The following TBC1D21 variants were observed in gnomAD, a reference collection of about 807,000 sequenced individuals.
TBC1D21 encodes male germ cell Rab GTPase-activating protein.
A neutral mutation model predicts 46.0 loss-of-function variants in TBC1D21; 38 were observed. That is an observed-to-expected ratio of 0.83 (90% CI 0.64 to 1.08). TBC1D21 has a LOEUF of 1.08. Among genes scored for constraint, TBC1D21 ranks in the 50% least tolerant of loss-of-function variants. TBC1D21 has a pLI of 0.00. For missense variants in TBC1D21, 415 were observed against 417.9 expected (o/e 0.99, Z 0.06); for synonymous variants, 151 against 157.2 (o/e 0.96, Z 0.29).
intron 1 of TBC1D21, among the ~76,000 whole-genome samples, chr15:73,875,781 C>T (rs1484109624): frequency 2.6e-5 from 4 of 152,180 alleles, no homozygotes; most frequent in Non-Finnish European, 4.4e-5. Context: ...CCAGCCCCCT[C>T]GCAAACTGCA....
At position 73,889,187 on chromosome 15, in the gene TBC1D21, C is replaced by A; in HGVS notation, c.*86C>A. On this transcript the variant is annotated 3_prime_UTR_variant, in exon 11 of 11. Coordinates refer to ENST00000300504, the MANE Select transcript of TBC1D21 (RefSeq NM_153356.3). ...TGGAGTGAGGGAGTAGATAAAACAG[C>A]TGCAATATAAACAGTCCTCTGGAAT... The A allele has an allele frequency of 6.9e-7, 1 of 1,455,848 alleles. No individual in the cohort carries two copies. Among genetic ancestry groups the A allele is most frequent in the Non-Finnish European group, 9.5e-7 (1 of 1,051,568 alleles). 90.2% of individuals were successfully genotyped at this position (1,455,848 alleles called of 1,614,324 possible). A position where few individuals can be genotyped will look rare whatever the true frequency, so the allele number is the denominator to read the frequency against.
At position 73,884,985 on chromosome 15, in the gene TBC1D21, AC is replaced by A. The variant is rs1424941302; in HGVS notation, c.479-13del. 2 of 1,608,152 alleles carry A rather than the reference AC, an allele frequency of 1.2e-6. No individual in the cohort carries two copies. On this transcript the variant is annotated splice_polypyrimidine_tract_variant and intron_variant, in intron 5 of 10. Coordinates refer to ENST00000300504, the MANE Select transcript of TBC1D21 (RefSeq NM_153356.3). The stretch of plus-strand genomic sequence containing the variant: ...TCTCCCACCCAGCCCCTCCTCCCCA[AC>A]CCCCTCTTCGCCACAGAGTACCAGC...
At chr15:73,886,196 C>T (rs1567068266) in intron 7 of TBC1D21, 22 bp downstream of exon 7, 1 of 1,602,044 alleles carries the variant, frequency 6.2e-7, no homozygotes, top group South Asian at 1.1e-5. Flanking sequence ...CCACCTCCTG[C>T]CACCTCACGC....
At chr15:73,898,880 A>AAAAT in the TBC1D21 span, among the ~76,000 whole-genome samples, 13 of 56,798 alleles carry the variant, frequency 2.3e-4, 1 homozygote, top group South Asian at 6.1e-4. Context: ...AAAAAAAAAA[A>AAAAT]ATATATATAT....
At chr15:73,900,436 T>C in the TBC1D21 span, among the ~76,000 whole-genome samples, 14 of 152,150 alleles carry the variant, frequency 9.2e-5, no homozygotes, top group Non-Finnish European at 1.8e-4. Flanking sequence ...GGGTGAGTCA[T>C]ACTTGAAAAC....
intron 1 of TBC1D21, among the ~76,000 whole-genome samples, chr15:73,876,922 C>T (rs907385607): frequency 2.6e-5 from 4 of 152,146 alleles, no homozygotes; most frequent in African/African-American, 9.7e-5. Context: ...CCTCCCACCC[C>T]CAGCATGGCA....
intron 1 of TBC1D21, among the ~76,000 whole-genome samples, chr15:73,875,376 G>A (rs1032933310): frequency 6.6e-6 from 1 of 152,060 alleles, no homozygotes; most frequent in African/African-American, 2.4e-5. Context: ...GACCTTCCCT[G>A]GGCTTTATTG....
At chr15:73,907,729 TCTTTTA>T in the TBC1D21 span, among the ~76,000 whole-genome samples, 2 of 152,242 alleles carry the variant, frequency 1.3e-5, no homozygotes, top group African/African-American at 4.8e-5. Flanking sequence ...GTTTTCTTTC[TCTTTTA>T]CTTTTAAGAA....
At chr15:73,885,981 C>T in intron 6 of TBC1D21, 97 bp from the exon 7 acceptor site, 2 of 962,612 alleles carry the variant, frequency 2.1e-6, no homozygotes, top group Non-Finnish European at 3.3e-6. Flanking sequence ...GACAGACACA[C>T]AGAGCCTCCA....
At chr15:73,906,815 G>GT in the TBC1D21 span, among the ~76,000 whole-genome samples, 1 of 152,204 alleles carries the variant, frequency 6.6e-6, no homozygotes, top group South Asian at 2.1e-4. Flanking sequence ...GTTGTGCTGA[G>GT]TGTTGGTTTA....
chr15:73,881,827 T>G, intron 3 of TBC1D21, 80 bp downstream of exon 3: 6 of 1,264,830 alleles, frequency 4.7e-6, no homozygotes, highest in Non-Finnish European at 6.8e-6. Flanking sequence ...GCAGACTATC[T>G]TCTGCCCCCA....
Position 73,889,061 on chromosome 15 carries a change from C to T in TBC1D21, c.979-8C>T. ...TGTCTGTGCACCTCCCACCTGCCTC[C>T]TCCCTAGGTTCCTCAGACATTAAAG... On this transcript the variant is annotated splice_polypyrimidine_tract_variant and splice_region_variant and intron_variant, in intron 10 of 10. Coordinates refer to ENST00000300504, the MANE Select transcript of TBC1D21 (RefSeq NM_153356.3). 6.2e-7 allele frequency: 1 copy of T among 1,613,574 alleles called. No homozygotes were observed.
chr15:73,890,185 C>T (rs938729166), downstream of TBC1D21, among the ~76,000 whole-genome samples: 2 of 152,198 alleles, frequency 1.3e-5, no homozygotes, highest in African/African-American at 4.8e-5. Context: ...AACTGTCCCT[C>T]CCTCTGCTCC....
intron 10 of TBC1D21, 51 bp downstream of exon 10, chr15:73,888,564 T>TTCC (rs376821140): frequency 3.5e-6 from 4 of 1,130,944 alleles, no homozygotes; most frequent in East Asian, 3.1e-5. Context: ...CCTCCTCCTC[T>TTCC]TCCTCCTCCT....
the TBC1D21 span, among the ~76,000 whole-genome samples, chr15:73,906,018 C>A: frequency 6.6e-6 from 1 of 152,188 alleles, no homozygotes; most frequent in African/African-American, 2.4e-5. Flanking sequence ...AGGCTCTCAG[C>A]AAGGGACTGG....
At chr15:73,894,830 TG>T in the TBC1D21 span, among the ~76,000 whole-genome samples, 5 of 152,186 alleles carry the variant, frequency 3.3e-5, no homozygotes, top group African/African-American at 1.2e-4. Flanking sequence ...AATTTCCAGT[TG>T]GTGCCAAGTG....
intron 1 of TBC1D21, among the ~76,000 whole-genome samples, chr15:73,879,271 G>A (rs1221219063): frequency 2.0e-5 from 3 of 152,128 alleles, no homozygotes; most frequent in Non-Finnish European, 4.4e-5. Flanking sequence ...GCAGTGCCAT[G>A]ATCTTGGCTC....
the TBC1D21 span, among the ~76,000 whole-genome samples, chr15:73,899,036 T>C: frequency 6.6e-6 from 1 of 151,892 alleles, no homozygotes; most frequent in Non-Finnish European, 1.5e-5. Context: ...CTTTAACACA[T>C]TGTAATTGGG....
At chr15:73,890,884 C>T (rs542077203), downstream of TBC1D21, among the ~76,000 whole-genome samples, 1 of 152,146 alleles carries the variant, frequency 6.6e-6, no homozygotes, top group African/African-American at 2.4e-5. Context: ...CTCAAGCCCC[C>T]CTCCTTGAAC....
Sources: allele counts gnomAD v4.1 joint callset (sites outside exome capture counted in the v4.1 genomes callset), GRCh38; gene constraint gnomAD v4.1.1; transcripts MANE v1.5; gene names NCBI Gene and HGNC (gene_info 2026-07-23, HGNC 2026-07-21).